DPP6: variants seen among roughly 807,000 people sequenced by gnomAD.
DPP6 encodes dipeptidyl peptidase like 6, also known as A-type potassium channel modulatory protein DPP6.
DPP6 carries 69 observed loss-of-function variants against 122.6 expected under a neutral mutation model. The ratio of observed to expected loss-of-function variants is 0.56; its 90% CI spans 0.46 to 0.69. The LOEUF (loss-of-function observed/expected upper bound fraction) is 0.69, where lower values mean the gene tolerates loss of function less well. DPP6 is among the 30% of genes least tolerant of loss of function. The probability of loss-of-function intolerance (pLI) is 0.00; values close to 1 mark genes in which losing one functional copy is unlikely to be tolerated. For synonymous variants in DPP6, 418 were observed against 433.1 expected, an observed-to-expected ratio of 0.97 and a Z score of 0.43; for missense variants, 928 against 1,116.9, an observed-to-expected ratio of 0.83 and a Z score of 2.41.
intron 1 of DPP6, among the ~76,000 whole-genome samples, chr7:153,899,339 G>T (rs566022692): frequency 1.3e-5 from 2 of 152,238 alleles, no homozygotes; most frequent in South Asian, 2.1e-4. Context: ...GGACAGTTTG[G>T]TCGCCTCTAA....
intron 3 of DPP6, among the ~76,000 whole-genome samples, chr7:154,529,199 A>G (rs139118575): frequency 6.6e-6 from 1 of 152,338 alleles, no homozygotes; most frequent in East Asian, 1.9e-4. Flanking sequence ...GAAGGCTTCA[A>G]GAGGAAGAAT....
intron 1 of DPP6, among the ~76,000 whole-genome samples, chr7:153,898,461 A>G (rs550862917): frequency 6.6e-5 from 10 of 152,190 alleles, no homozygotes; most frequent in Non-Finnish European, 1.5e-4. Context: ...GTAAAAAAAT[A>G]ATAATAATTA....
intron 3 of DPP6, 71 bp downstream of exon 3, chr7:154,475,108 C>A: frequency 8.4e-7 from 1 of 1,186,174 alleles, no homozygotes; most frequent in Non-Finnish European, 1.3e-6. Flanking sequence ...TAGGTTGGGT[C>A]TAGTAATTTG....
intron 1 of DPP6, among the ~76,000 whole-genome samples, chr7:153,936,456 G>A (rs1372890577): frequency 1.3e-5 from 2 of 152,100 alleles, no homozygotes; most frequent in Non-Finnish European, 2.9e-5. Context: ...TAGATAGACG[G>A]TGTTCCCATC....
intron 1 of DPP6, among the ~76,000 whole-genome samples, chr7:154,319,280 G>A (rs1447481187): frequency 6.6e-6 from 1 of 152,152 alleles, no homozygotes; most frequent in Non-Finnish European, 1.5e-5. Flanking sequence ...TCTAACACAG[G>A]CGAGATTTTT....
intron 1 of DPP6, among the ~76,000 whole-genome samples, chr7:153,912,944 G>A (rs994887981): frequency 6.6e-6 from 1 of 152,196 alleles, no homozygotes; most frequent in Admixed American, 6.5e-5. Flanking sequence ...AACCACTTCA[G>A]TCTAGCTTTT....
intron 5 of DPP6, chr7:154,588,165 A>G: frequency 1.3e-6 from 2 of 1,533,638 alleles, no homozygotes; most frequent in Non-Finnish European, 1.8e-6. Flanking sequence ...GGCCCAAGAA[A>G]TACTGCCTTC....
rs1252952575 is a variant in DPP6 at position 154,241,795 on chromosome 7, G to A, written c.243+188732G>A. Among the ~76,000 whole-genome samples the A allele has an allele frequency of 6.6e-6, 1 of 152,064 alleles. No homozygotes were observed. The highest frequency in any genetic ancestry group is 1.5e-5 in the Non-Finnish European group (1 of 68,008). On this transcript the variant is annotated intron_variant, in intron 1 of 25. Transcript: ENST00000377770. This position sits in a 1 kb window ranked among gnomAD's most constrained non-coding sequence, Gnocchi z 9.0. The stretch of plus-strand genomic sequence containing the variant: ...TTGTCTGCCGACCGAAAAAGTTTAT[G>A]TCAAAACTACAGAAAAGAGCCATTT...
chr7:153,864,672 TACACACACACACACACACAC>T, the DPP6 span, among the ~76,000 whole-genome samples: 336 of 135,274 alleles, frequency 2.5e-3, no homozygotes, highest in African/African-American at 8.9e-3. Context: ...ATAATAATAA[TACACACACACACACACACAC>T]ACACACACAC....
At chr7:154,332,795 T>C (rs1341015284) in intron 1 of DPP6, among the ~76,000 whole-genome samples, 2 of 152,248 alleles carry the variant, frequency 1.3e-5, no homozygotes, top group Non-Finnish European at 2.9e-5. Context: ...GAATAATTTT[T>C]CTGCGTCAGA....
At chr7:154,715,589 T>C (rs1841438242) in intron 7 of DPP6, among the ~76,000 whole-genome samples, 1 of 152,194 alleles carries the variant, frequency 6.6e-6, no homozygotes, top group African/African-American at 2.4e-5. Context: ...GCCCAAATGG[T>C]ACCCTGCAGC....
At chr7:153,962,311 A>C (rs1180630529) in intron 1 of DPP6, among the ~76,000 whole-genome samples, 1 of 152,192 alleles carries the variant, frequency 6.6e-6, no homozygotes, top group Non-Finnish European at 1.5e-5. Context: ...TACTGTCTGC[A>C]GAATCTGATG....
chr7:154,394,246 T>C (rs1007175170), intron 1 of DPP6, among the ~76,000 whole-genome samples: 1 of 152,152 alleles, frequency 6.6e-6, no homozygotes, highest in African/African-American at 2.4e-5. Flanking sequence ...CCTCACTAAC[T>C]TATTTTCTGT....
At chr7:153,825,496 T>C in the DPP6 span, among the ~76,000 whole-genome samples, 3 of 152,188 alleles carry the variant, frequency 2.0e-5, no homozygotes, top group Admixed American at 2.0e-4. Flanking sequence ...CTTCCCTCCA[T>C]TGTACCAGAC....
At position 154,481,810 on chromosome 7, in the gene DPP6, A is replaced by G. The variant is rs1334134594; in HGVS notation, c.457+6773A>G. On this transcript the variant is annotated intron_variant, in intron 3 of 25. Transcript: ENST00000377770. The surrounding 1 kb of genome is among the most constrained non-coding windows in gnomAD (Gnocchi z 4.2). The stretch of plus-strand genomic sequence containing the variant: ...CTAATTCTTGCTCTGCCCCACATTG[A>G]CTCTTCTGGTTTTGGATTCTCCTAT... 6.6e-6 allele frequency among the ~76,000 whole-genome samples: 1 copy of G among 151,432 alleles called. No individual in the cohort carries two copies. The highest frequency in any genetic ancestry group is 2.4e-5 in the African/African-American group (1 of 41,138).
chr7:153,894,282 A>G (rs897724768), intron 1 of DPP6, among the ~76,000 whole-genome samples: 10 of 152,220 alleles, frequency 6.6e-5, no homozygotes, highest in Non-Finnish European at 1.2e-4. Context: ...AAACTAAAAT[A>G]AATTCAGCAA....
chr7:153,770,357 C>A, the DPP6 span, among the ~76,000 whole-genome samples: 1 of 152,122 alleles, frequency 6.6e-6, no homozygotes, highest in Non-Finnish European at 1.5e-5. Context: ...AGAACATAGT[C>A]CCTGGCTGAA....
chr7:153,817,701 G>C, the DPP6 span, among the ~76,000 whole-genome samples: 3 of 145,742 alleles, frequency 2.1e-5, no homozygotes, highest in Non-Finnish European at 3.0e-5. Flanking sequence ...TCACTCATAG[G>C]TGGGAATTGA....
intron 1 of DPP6, among the ~76,000 whole-genome samples, chr7:154,068,164 G>T (rs1563165718): frequency 6.6e-6 from 1 of 152,076 alleles, no homozygotes; most frequent in South Asian, 2.1e-4. Flanking sequence ...TGTCCTTAGG[G>T]GTGTCAACAT....
Sources: allele counts gnomAD v4.1 joint callset (sites outside exome capture counted in the v4.1 genomes callset), GRCh38; gene constraint gnomAD v4.1.1; non-coding constraint Gnocchi (gnomAD v3.1); transcripts MANE v1.5; gene names NCBI Gene and HGNC (gene_info 2026-07-23, HGNC 2026-07-21).